Variants in DPYD observed in about 807,000 individuals in gnomAD.
DPYD encodes dihydropyrimidine dehydrogenase, also known as dihydropyrimidine dehydrogenase [NADP(+)].
Under a neutral mutation model 116.2 loss-of-function variants are expected in DPYD, and 109 were observed. That is an observed-to-expected ratio of 0.94 (90% CI 0.80 to 1.10). The LOEUF (loss-of-function observed/expected upper bound fraction) is 1.10, where lower values mean the gene tolerates loss of function less well. DPYD is among the 50% of genes least tolerant of loss of function. The pLI is 0.00. For missense variants in DPYD, 1,302 were observed against 1,254.5 expected, an observed-to-expected ratio of 1.04 and a Z score of -0.57; for synonymous variants, 440 against 432.0, an observed-to-expected ratio of 1.02 and a Z score of -0.23.
At chr1:97,878,412 T>C (rs1672026475) in intron 2 of DPYD, among the ~76,000 whole-genome samples, 2 of 151,946 alleles carry the variant, frequency 1.3e-5, no homozygotes, top group Admixed American at 1.3e-4. Context: ...TATATCCTGA[T>C]GATTCAAAAA....
intron 18 of DPYD, among the ~76,000 whole-genome samples, chr1:97,290,236 A>G (rs1192911373): frequency 1.3e-5 from 2 of 152,176 alleles, no homozygotes; most frequent in Non-Finnish European, 2.9e-5. Context: ...GGAAGAATCA[A>G]TATCGTGAAA....
chr1:97,345,476 A>C (rs1190847737), intron 16 of DPYD, among the ~76,000 whole-genome samples: 1 of 151,960 alleles, frequency 6.6e-6, no homozygotes. Flanking sequence ...AAATCCTTTC[A>C]CCAAGCAAAA....
chr1:97,519,105 T>C (rs1648453038), intron 12 of DPYD, among the ~76,000 whole-genome samples: 1 of 152,152 alleles, frequency 6.6e-6, no homozygotes, highest in South Asian at 2.1e-4. Context: ...GAGATAGATT[T>C]GAAGGTAAAC....
chr1:97,654,746 A>G (rs1368084722), intron 8 of DPYD, among the ~76,000 whole-genome samples: 2 of 152,326 alleles, frequency 1.3e-5, no homozygotes, highest in African/African-American at 4.8e-5. Flanking sequence ...AAAAATGACT[A>G]TGGTATTAGT....
chr1:97,292,718 G>A (rs866307213), intron 18 of DPYD, among the ~76,000 whole-genome samples: 11 of 85,586 alleles, frequency 1.3e-4, no homozygotes, highest in Non-Finnish European at 1.8e-4. Context: ...GCGCACACGC[G>A]CGAGCACACA....
chr1:97,820,007 T>C (rs1426671169), intron 3 of DPYD, among the ~76,000 whole-genome samples: 1 of 152,144 alleles, frequency 6.6e-6, no homozygotes, highest in Non-Finnish European at 1.5e-5. Context: ...GGCCATATTA[T>C]TATCTTTAAA....
intron 10 of DPYD, among the ~76,000 whole-genome samples, chr1:97,590,813 T>C (rs1317353039): frequency 7.9e-5 from 12 of 152,214 alleles, no homozygotes; most frequent in Admixed American, 7.9e-4. Flanking sequence ...ACTCTTTTAC[T>C]TAGCCCCTGA....
intron 4 of DPYD, among the ~76,000 whole-genome samples, chr1:97,736,959 C>T (rs1422494250): frequency 2.0e-5 from 3 of 151,754 alleles, no homozygotes; most frequent in Non-Finnish European, 4.4e-5. Flanking sequence ...TTTTGAATCA[C>T]TCAAAAAAGA....
At chr1:97,595,669 A>C (rs1177894612) in intron 8 of DPYD, among the ~76,000 whole-genome samples, 1 of 151,926 alleles carries the variant, frequency 6.6e-6, no homozygotes, top group Non-Finnish European at 1.5e-5. Flanking sequence ...AAAAAATATA[A>C]ATGAATTAAA....
chr1:97,749,340 G>A (rs546313941), intron 3 of DPYD, among the ~76,000 whole-genome samples: 69 of 152,274 alleles, frequency 4.5e-4, no homozygotes, highest in African/African-American at 1.6e-3. Context: ...GTAGATATCT[G>A]ACAAACATAT....
intron 10 of DPYD, among the ~76,000 whole-genome samples, chr1:97,588,779 GCTGGAAAGACA>G (rs1330960923): frequency 1.3e-5 from 2 of 152,180 alleles, no homozygotes; most frequent in Non-Finnish European, 2.9e-5. Flanking sequence ...CCACAAGGGA[GCTGGAAAGACA>G]CTTGGAATCA....
chr1:97,175,014 G>T (rs1657145186), intron 20 of DPYD, among the ~76,000 whole-genome samples: 1 of 152,062 alleles, frequency 6.6e-6, no homozygotes, highest in African/African-American at 2.4e-5. Flanking sequence ...TTATATGTTT[G>T]TGAGATTCAA....
intron 13 of DPYD, among the ~76,000 whole-genome samples, chr1:97,512,796 T>C (rs945881424): frequency 6.6e-6 from 1 of 151,924 alleles, no homozygotes; most frequent in African/African-American, 2.4e-5. Flanking sequence ...TACATTTGTA[T>C]AGAAAAATGA....
At chr1:97,888,773 C>A (rs1178332713) in intron 1 of DPYD, among the ~76,000 whole-genome samples, 6 of 151,812 alleles carry the variant, frequency 4.0e-5, no homozygotes, top group Non-Finnish European at 7.4e-5. Flanking sequence ...ACTCCTATAC[C>A]CAACAAAACT....
At chr1:97,779,279 T>C (rs1666594635) in intron 3 of DPYD, among the ~76,000 whole-genome samples, 1 of 143,744 alleles carries the variant, frequency 7.0e-6, no homozygotes, top group South Asian at 2.3e-4. Flanking sequence ...TATTTGCCCT[T>C]ATTGTCTCTA....
intron 10 of DPYD, among the ~76,000 whole-genome samples, chr1:97,575,951 A>G: frequency 6.6e-6 from 1 of 152,104 alleles, no homozygotes; most frequent in Admixed American, 6.6e-5. Context: ...ATTCAATATC[A>G]CTTAGAAATA....
intron 12 of DPYD, among the ~76,000 whole-genome samples, chr1:97,539,042 AT>A (rs1364801255): frequency 6.6e-6 from 1 of 152,226 alleles, no homozygotes; most frequent in Non-Finnish European, 1.5e-5. Context: ...AGGAACATAT[AT>A]TTAGGCAAAC....
intron 13 of DPYD, among the ~76,000 whole-genome samples, chr1:97,502,940 A>G (rs1679671670): frequency 6.6e-6 from 1 of 152,054 alleles, no homozygotes; most frequent in South Asian, 2.1e-4. Flanking sequence ...GTGGAAGTTT[A>G]GATAAGTTAA....
chr1:97,810,041 C>T (rs1273368951), intron 3 of DPYD, among the ~76,000 whole-genome samples: 5 of 151,970 alleles, frequency 3.3e-5, no homozygotes, highest in Non-Finnish European at 5.9e-5. Flanking sequence ...AATCACAGCA[C>T]TTTGGGAGGC....
Sources: allele counts gnomAD v4.1 joint callset (sites outside exome capture counted in the v4.1 genomes callset), GRCh38; gene constraint gnomAD v4.1.1; transcripts MANE v1.5; gene names NCBI Gene and HGNC (gene_info 2026-07-23, HGNC 2026-07-21).